LRFN5: variants seen among roughly 807,000 people sequenced by gnomAD.
LRFN5 encodes the protein leucine-rich repeat and fibronectin type-III domain-containing protein 5.
In LRFN5, 24 loss-of-function variants were observed where a neutral mutation model predicts 45.6. The observed-to-expected ratio is 0.53, with a 90% CI of 0.38 to 0.74. The LOEUF is 0.74. Among genes scored for constraint, LRFN5 ranks in the 30% least tolerant of loss-of-function variants. The pLI is 0.00. For synonymous variants in LRFN5, 340 were observed against 313.8 expected (o/e 1.08, Z -0.88); for missense variants, 776 against 861.5 (o/e 0.90, Z 1.24).
At chr14:41,682,921 G>A (rs11628299) in intron 1 of LRFN5, among the ~76,000 whole-genome samples, 86,061 of 151,976 alleles carry the variant, frequency 0.57, 26,526 homozygotes, top group East Asian at 0.98. Flanking sequence ...CTATTCCAAA[G>A]AATGGAGAGG....
Position 41,883,090 on chromosome 14 carries a change from G to GT in LRFN5, c.-20-3515dup, listed in dbSNP as rs1374513789. Among the ~76,000 whole-genome samples the GT allele has an allele frequency of 2.6e-5, 4 of 151,212 alleles. No homozygotes were observed. In the South Asian group the frequency reaches 6.2e-4, roughly 24 times the overall value. On this transcript the variant is annotated intron_variant, in intron 2 of 5. Transcript: ENST00000298119. ...TCTCGAACTCCTGACCACGTAATCT[G>GT]TCCCCCCGACCCTGGCTTCCCAAAG...
At chr14:41,734,157 C>G (rs1366808463) in intron 1 of LRFN5, among the ~76,000 whole-genome samples, 15 of 144,172 alleles carry the variant, frequency 1.0e-4, no homozygotes, top group African/African-American at 3.5e-4. Flanking sequence ...TTCTGAGTAG[C>G]CGGGATTACA....
chr14:41,627,082 A>G (rs1459723930), intron 1 of LRFN5, among the ~76,000 whole-genome samples: 1 of 152,186 alleles, frequency 6.6e-6, no homozygotes, highest in Non-Finnish European at 1.5e-5. Context: ...TTTCACATTT[A>G]ACTTTCACAG....
intron 1 of LRFN5, among the ~76,000 whole-genome samples, chr14:41,673,245 G>T (rs1017965390): frequency 1.3e-5 from 2 of 151,956 alleles, no homozygotes; most frequent in African/African-American, 4.8e-5. Context: ...CCTCCCAGAC[G>T]GGGTGGTGGC....
At chr14:41,868,743 T>G (rs1889920202) in intron 2 of LRFN5, among the ~76,000 whole-genome samples, 1 of 152,206 alleles carries the variant, frequency 6.6e-6, no homozygotes, top group African/African-American at 2.4e-5. Context: ...TTTCAATATT[T>G]TAAGCCATTT....
intron 1 of LRFN5, among the ~76,000 whole-genome samples, chr14:41,747,694 G>A (rs562743882): frequency 6.6e-6 from 1 of 152,054 alleles, no homozygotes; most frequent in East Asian, 1.9e-4. Flanking sequence ...TTTTTAAAGT[G>A]CATAGAAGAT....
chr14:41,691,452 G>T (rs961407571), intron 1 of LRFN5, among the ~76,000 whole-genome samples: 2 of 151,962 alleles, frequency 1.3e-5, no homozygotes, highest in Non-Finnish European at 2.9e-5. Flanking sequence ...AACTCTTTAT[G>T]ATTTCAATGC....
rs572261138 is a variant in LRFN5, at chr14:41,759,530, T to C, written c.-196-7324T>C. Among the ~76,000 whole-genome samples, 57 of 151,794 alleles carry C rather than the reference T, an allele frequency of 3.8e-4. 1 individual carries two copies. In the South Asian group the frequency reaches 0.01, roughly 28 times the overall value. ...AGCACCAGAAAACAGCATTTTATTT[T>C]ATTTTATTGGCTAATAAAGGGAAAC... is the stretch of plus-strand genomic sequence containing the variant. On this transcript the variant is annotated intron_variant, in intron 1 of 5. Transcript: ENST00000298119.
chr14:41,812,412 A>G (rs1388900906), intron 2 of LRFN5, among the ~76,000 whole-genome samples: 1 of 151,944 alleles, frequency 6.6e-6, no homozygotes, highest in Non-Finnish European at 1.5e-5. Context: ...ACTAATCAGA[A>G]CAGAGCTCCT....
At chr14:41,795,674 G>A (rs1410205842) in intron 2 of LRFN5, among the ~76,000 whole-genome samples, 1 of 151,810 alleles carries the variant, frequency 6.6e-6, no homozygotes, top group Non-Finnish European at 1.5e-5. Flanking sequence ...AGTATCGCAA[G>A]GACAGAAAAC....
intron 1 of LRFN5, among the ~76,000 whole-genome samples, chr14:41,631,324 T>C (rs762226822): frequency 6.6e-6 from 1 of 152,168 alleles, no homozygotes; most frequent in African/African-American, 2.4e-5. Flanking sequence ...CATTCCATAC[T>C]GTTCAAATCT....
chr14:41,784,180 C>G (rs1302337969), intron 2 of LRFN5, among the ~76,000 whole-genome samples: 6 of 151,960 alleles, frequency 3.9e-5, no homozygotes, highest in Admixed American at 3.9e-4. Flanking sequence ...TGATATATTC[C>G]AAATGTATCA....
At chr14:41,660,369 C>T (rs1391912118) in intron 1 of LRFN5, among the ~76,000 whole-genome samples, 1 of 152,040 alleles carries the variant, frequency 6.6e-6, no homozygotes, top group Non-Finnish European at 1.5e-5. Flanking sequence ...CTATTTCAAC[C>T]CCAAACCCTG....
intron 1 of LRFN5, among the ~76,000 whole-genome samples, chr14:41,616,496 A>C (rs1466052452): frequency 6.6e-6 from 1 of 152,100 alleles, no homozygotes; most frequent in Non-Finnish European, 1.5e-5. Context: ...TGATCTCTAG[A>C]TTATTTACTA....
chr14:41,646,705 G>A lies in LRFN5; in HGVS notation c.-197+38143G>A, dbSNP rs114885009. Among the ~76,000 whole-genome samples the A allele has an allele frequency of 7.2e-3, 1,100 of 152,010 alleles. 12 individuals are homozygous for A. The highest frequency in any genetic ancestry group is 0.025 in the African/African-American group (1,054 of 41,466). On this transcript the variant is annotated intron_variant, in intron 1 of 5. Coordinates refer to ENST00000298119, the MANE Select transcript of LRFN5 (RefSeq NM_152447.5). ...TTGTAAAACATTTTAGTTCAATTTT[G>A]TACATTTATTGAGCATTCATGCTGT...
chr14:41,754,503 T>A (rs1425261241), intron 1 of LRFN5, among the ~76,000 whole-genome samples: 1 of 152,150 alleles, frequency 6.6e-6, no homozygotes, highest in Non-Finnish European at 1.5e-5. Flanking sequence ...GGAGGGTTTA[T>A]GCATCGAGGA....
chr14:41,825,281 G>C (rs1594442907), intron 2 of LRFN5, among the ~76,000 whole-genome samples: 1 of 152,152 alleles, frequency 6.6e-6, no homozygotes, highest in Non-Finnish European at 1.5e-5. Context: ...AACCCTAGAG[G>C]GTTGGGAGGG....
At chr14:41,900,704 A>G (rs1891076328) in intron 5 of LRFN5, among the ~76,000 whole-genome samples, 1 of 152,064 alleles carries the variant, frequency 6.6e-6, no homozygotes, top group Admixed American at 6.6e-5. Flanking sequence ...CTATTATCAG[A>G]TTTAAGTTAC....
At chr14:41,775,396 T>G (rs1453361330) in intron 2 of LRFN5, among the ~76,000 whole-genome samples, 1 of 152,152 alleles carries the variant, frequency 6.6e-6, no homozygotes, top group Non-Finnish European at 1.5e-5. Context: ...AGTTGCTACT[T>G]TTTAAGCAAC....
Sources: gnomAD v4.1 joint callset for allele counts (sites outside exome capture counted in the v4.1 genomes callset) on GRCh38, gnomAD v4.1.1 for gene constraint, MANE v1.5 for transcripts, NCBI Gene and HGNC (gene_info 2026-07-23, HGNC 2026-07-21) for gene names.